Variants in MDGA2 observed in about 807,000 individuals in gnomAD.
MDGA2 encodes MAM domain containing glycosylphosphatidylinositol anchor 2, also known as MAM domain-containing glycosylphosphatidylinositol anchor protein 2.
In MDGA2, 40 loss-of-function variants were observed where a neutral mutation model predicts 117.8. The ratio of observed to expected loss-of-function variants is 0.34; its 90% CI spans 0.26 to 0.44. MDGA2 has a LOEUF of 0.44. Ranked by LOEUF, MDGA2 falls within the 20% of genes least tolerant of loss-of-function variation. MDGA2 has a pLI of 1.00. For missense variants in MDGA2, 1,123 were observed against 1,250.6 expected (o/e 0.90, Z 1.54); for synonymous variants, 452 against 439.0 (o/e 1.03, Z -0.37).
At chr14:47,623,798 C>T (rs1249745481) in intron 1 of MDGA2, among the ~76,000 whole-genome samples, 1 of 152,118 alleles carries the variant, frequency 6.6e-6, no homozygotes, top group Non-Finnish European at 1.5e-5. Flanking sequence ...AACTATTACC[C>T]CTTTGATGTG....
intron 1 of MDGA2, among the ~76,000 whole-genome samples, chr14:47,521,734 C>T (rs868135435): frequency 7.2e-5 from 11 of 152,042 alleles, no homozygotes; most frequent in South Asian, 4.1e-4. Context: ...TGCAATGGCA[C>T]GGTCTCAGCT....
intron 10 of MDGA2, among the ~76,000 whole-genome samples, chr14:46,901,536 A>C (rs907541027): frequency 1.3e-5 from 2 of 152,214 alleles, no homozygotes; most frequent in Non-Finnish European, 2.9e-5. Flanking sequence ...TCCCACATGC[A>C]TTTTATTCAT....
intron 1 of MDGA2, among the ~76,000 whole-genome samples, chr14:47,642,721 G>T (rs1407681000): frequency 6.6e-6 from 1 of 151,854 alleles, no homozygotes; most frequent in East Asian, 1.9e-4. Context: ...CATAAACATT[G>T]TAAATTCCAT....
intron 8 of MDGA2, among the ~76,000 whole-genome samples, chr14:46,965,983 C>T (rs1886013661): frequency 6.9e-6 from 1 of 144,932 alleles, no homozygotes; most frequent in African/African-American, 2.7e-5. Flanking sequence ...AAATATATGA[C>T]TCTTATATTA....
chr14:46,876,278 C>T (rs1010538379), intron 12 of MDGA2, among the ~76,000 whole-genome samples: 5 of 151,418 alleles, frequency 3.3e-5, no homozygotes, highest in Admixed American at 2.0e-4. Context: ...ATAAAACTCA[C>T]TAGTCAAAAC....
chr14:47,360,034 T>A (rs977794209), intron 1 of MDGA2, among the ~76,000 whole-genome samples: 9 of 151,800 alleles, frequency 5.9e-5, no homozygotes, highest in African/African-American at 2.2e-4. Context: ...TAGAAAAAAA[T>A]AAAACACAAA....
intron 1 of MDGA2, among the ~76,000 whole-genome samples, chr14:47,580,323 A>G (rs1222404406): frequency 5.3e-5 from 8 of 151,672 alleles, no homozygotes; most frequent in Non-Finnish European, 1.2e-4. Flanking sequence ...GAAGGAGCAA[A>G]GAAGCTCCCT....
chr14:47,171,995 T>C (rs1477160922), intron 3 of MDGA2, among the ~76,000 whole-genome samples: 1 of 152,054 alleles, frequency 6.6e-6, no homozygotes, highest in Non-Finnish European at 1.5e-5. Flanking sequence ...GGAGATTATA[T>C]CCCGCACATG....
At chr14:47,463,094 C>G (rs1893525822) in intron 1 of MDGA2, among the ~76,000 whole-genome samples, 1 of 152,146 alleles carries the variant, frequency 6.6e-6, no homozygotes, top group Non-Finnish European at 1.5e-5. Context: ...TTCAGTTATT[C>G]AGTAGTCCTA....
intron 1 of MDGA2, among the ~76,000 whole-genome samples, chr14:47,440,155 C>T (rs972435733): frequency 2.0e-5 from 3 of 151,988 alleles, no homozygotes; most frequent in African/African-American, 7.2e-5. Context: ...GTGTCTCACT[C>T]CCAACAGCAT....
At chr14:47,163,377 G>C (rs1228757361) in intron 3 of MDGA2, among the ~76,000 whole-genome samples, 1 of 152,116 alleles carries the variant, frequency 6.6e-6, no homozygotes, top group East Asian at 1.9e-4. Flanking sequence ...TTAGGGGAGG[G>C]ACCTGGTGGG....
intron 1 of MDGA2, among the ~76,000 whole-genome samples, chr14:47,449,220 T>C (rs1215183418): frequency 2.0e-5 from 3 of 152,258 alleles, no homozygotes; most frequent in Admixed American, 2.0e-4. Flanking sequence ...AACTCCTCAA[T>C]GCTATTTGTG....
intron 2 of MDGA2, among the ~76,000 whole-genome samples, chr14:47,294,675 T>C (rs1243032217): frequency 6.6e-6 from 1 of 152,058 alleles, no homozygotes; most frequent in African/African-American, 2.4e-5. Context: ...ATCTAGTATG[T>C]TTCTTATTCA....
intron 1 of MDGA2, among the ~76,000 whole-genome samples, chr14:47,325,788 C>G (rs915692831): frequency 1.3e-5 from 2 of 151,994 alleles, no homozygotes; most frequent in Admixed American, 1.3e-4. Context: ...GTGGGCCAAA[C>G]GAGCAAGAGC....
intron 1 of MDGA2, among the ~76,000 whole-genome samples, chr14:47,313,857 A>C (rs150140187): frequency 8.5e-4 from 129 of 152,220 alleles, no homozygotes; most frequent in African/African-American, 2.9e-3. Flanking sequence ...AATATACTTA[A>C]CTTTTGGTCC....
At chr14:47,418,286 A>G (rs1026907540) in intron 1 of MDGA2, among the ~76,000 whole-genome samples, 10 of 151,822 alleles carry the variant, frequency 6.6e-5, no homozygotes, top group African/African-American at 2.4e-4. Context: ...GGGTTTCACC[A>G]TGGTGGCCAG....
rs1010784046 is a variant in MDGA2 at position 47,364,045 on chromosome 14, G to A, written c.281-62495C>T. On this transcript the variant is annotated intron_variant, in intron 1 of 16. Coordinates refer to ENST00000399232, the MANE Select transcript of MDGA2 (RefSeq NM_001113498.3). ...GTGTTAAAGGACAAAAATAAAAGAG[G>A]ACCTACACCAAATTACATGATTATA... 4.0e-5 allele frequency among the ~76,000 whole-genome samples: 6 copies of A among 151,778 alleles called. No individual in the cohort carries two copies. The East Asian group carries it at 1.2e-3, about 29-fold the overall frequency.
chr14:47,511,895 C>G (rs1291552153), intron 1 of MDGA2, among the ~76,000 whole-genome samples: 1 of 152,156 alleles, frequency 6.6e-6, no homozygotes, highest in African/African-American at 2.4e-5. Context: ...TATGGCAACA[C>G]AGAGTCAGGT....
intron 1 of MDGA2, among the ~76,000 whole-genome samples, chr14:47,572,958 C>A (rs1455800231): frequency 3.3e-5 from 5 of 151,984 alleles, no homozygotes; most frequent in Admixed American, 1.3e-4. Context: ...TATTTTCTTT[C>A]TAGTTCAGTG....
Sources: allele counts gnomAD v4.1 joint callset (sites outside exome capture counted in the v4.1 genomes callset), GRCh38; gene constraint gnomAD v4.1.1; transcripts MANE v1.5; gene names NCBI Gene and HGNC (gene_info 2026-07-23, HGNC 2026-07-21).